The following PAWR variants were observed in gnomAD, a reference collection of about 807,000 sequenced individuals.
PAWR encodes the protein pro-apoptotic WT1 regulator.
PAWR carries 23 observed loss-of-function variants against 32.0 expected under a neutral mutation model. That is an observed-to-expected ratio of 0.72 (90% CI 0.52 to 1.02). PAWR has a LOEUF of 1.02. PAWR is among the 50% of genes least tolerant of loss of function. The pLI is 0.00. For synonymous variants in PAWR, 226 were observed against 187.1 expected (o/e 1.21, Z -1.70); for missense variants, 457 against 437.7 (o/e 1.04, Z -0.39).
At chr12:79,628,075 A>C (rs538485862) in intron 2 of PAWR, among the ~76,000 whole-genome samples, 39 of 152,192 alleles carry the variant, frequency 2.6e-4, no homozygotes, top group Non-Finnish European at 4.6e-4. Flanking sequence ...CTCCTCAGCA[A>C]ATGTAAAAGA....
At chr12:79,623,599 TA>T (rs1231853812) in intron 2 of PAWR, among the ~76,000 whole-genome samples, 1 of 150,922 alleles carries the variant, frequency 6.6e-6, no homozygotes, top group Non-Finnish European at 1.5e-5. Flanking sequence ...ATTAAAAAAC[TA>T]AAAAACAGTA....
chr12:79,666,270 CA>C (rs1269271133), intron 2 of PAWR, among the ~76,000 whole-genome samples: 5 of 152,076 alleles, frequency 3.3e-5, no homozygotes, highest in African/African-American at 9.7e-5. Flanking sequence ...GGAAAAGAAT[CA>C]AGCATCTAGG....
chr12:79,641,845 CAAAAAAAAAAAAA>C (rs35377529), intron 2 of PAWR, among the ~76,000 whole-genome samples: 22 of 57,688 alleles, frequency 3.8e-4, no homozygotes, highest in South Asian at 1.4e-3. Context: ...GACTCCGTCT[CAAAAAAAAAAAAA>C]AAAAAAAAAA....
chr12:79,606,629 G>A lies in PAWR; in HGVS notation c.683+6946C>T, dbSNP rs538573792. On this transcript the variant is annotated intron_variant, in intron 4 of 6. Transcript: ENST00000328827. Reference sequence around the variant, plus strand: ...GGGAAAAAATAAAATAAAACCCTATGTTCGAAAAAAATCTAGTTACTGGTA... The same window carrying A: ...GGGAAAAAATAAAATAAAACCCTATATTCGAAAAAAATCTAGTTACTGGTA... Among the ~76,000 whole-genome samples the A allele has an allele frequency of 2.0e-5, 3 of 152,148 alleles. No homozygotes were observed. In the East Asian group the frequency reaches 5.8e-4, roughly 29 times the overall value.
At chr12:79,596,043 A>G (rs1429921724) in intron 5 of PAWR, among the ~76,000 whole-genome samples, 2 of 152,200 alleles carry the variant, frequency 1.3e-5, no homozygotes, top group Non-Finnish European at 2.9e-5. Flanking sequence ...AATAATCTCA[A>G]GTAAAACAAA....
At position 79,653,726 on chromosome 12, in the gene PAWR, G is replaced by A. The variant is rs369949231; in HGVS notation, c.517-32519C>T. On this transcript the variant is annotated intron_variant, in intron 2 of 6. Transcript: ENST00000328827. Reference sequence around the variant, plus strand: ...ACTCCCAACCTCAGGTGATCCGCCCGCCTCGGCCTCCCAAAGTACTGGGAT... The same window carrying A: ...ACTCCCAACCTCAGGTGATCCGCCCACCTCGGCCTCCCAAAGTACTGGGAT... 7.2e-5 allele frequency among the ~76,000 whole-genome samples: 11 copies of A among 152,214 alleles called. 1 individual carries two copies. Among genetic ancestry groups the A allele is most frequent in the Admixed American group, 3.9e-4 (6 of 15,290 alleles).
chr12:79,654,599 A>G (rs1877007290), intron 2 of PAWR, among the ~76,000 whole-genome samples: 1 of 152,184 alleles, frequency 6.6e-6, no homozygotes, highest in South Asian at 2.1e-4. Context: ...AGAACTGCCC[A>G]GTTTATAATA....
chr12:79,599,603 AAAAT>A (rs1873885220), intron 4 of PAWR, among the ~76,000 whole-genome samples: 1 of 152,376 alleles, frequency 6.6e-6, no homozygotes, highest in South Asian at 2.1e-4. Context: ...ATGAAGCTGA[AAAAT>A]AAATTGTTAC....
At chr12:79,617,011 T>C (rs565035743) in intron 3 of PAWR, among the ~76,000 whole-genome samples, 4 of 152,220 alleles carry the variant, frequency 2.6e-5, no homozygotes, top group Non-Finnish European at 5.9e-5. Context: ...GATTTGAATA[T>C]GGTCTTTTAT....
At chr12:79,622,221 T>C (rs1194414842) in intron 2 of PAWR, among the ~76,000 whole-genome samples, 1 of 151,944 alleles carries the variant, frequency 6.6e-6, no homozygotes, top group Non-Finnish European at 1.5e-5. Flanking sequence ...AGGAACATAC[T>C]GAAAGGGGTA....
Position 79,689,907 on chromosome 12 carries a change from G to A in PAWR, c.338C>T (p.Pro113Leu), listed in dbSNP as rs1277697552. The change falls in exon 2 of 7, where the codon CCA becomes CTA. Residue 113 changes from proline (P) to leucine (L), a missense_variant. Physicochemically the swap from Pro to Leu is moderately conservative, Grantham distance 98. Transcript: ENST00000328827. ...PGPRRSEDEP[P>L]AASASAAPPP... ...CGGTGCAGCCGAGGCAGAGGCGGCT[G>A]GGGGCTCGTCCTCCGACCGCCGCGG... The A allele has an allele frequency of 2.7e-6, 4 of 1,478,862 alleles. No homozygotes were observed. Among genetic ancestry groups the A allele is most frequent in the Non-Finnish European group, 2.7e-6 (3 of 1,116,432 alleles). The allele number at this position is 1,478,862 out of a possible 1,614,324, so 91.6% of individuals were successfully genotyped here. A position where few individuals can be genotyped will look rare whatever the true frequency, so the allele number is the denominator to read the frequency against.
At chr12:79,624,973 A>G (rs559360609) in intron 2 of PAWR, among the ~76,000 whole-genome samples, 1 of 152,278 alleles carries the variant, frequency 6.6e-6, no homozygotes, top group Middle Eastern at 3.4e-3. Flanking sequence ...GTAAATGAAT[A>G]TGTCAATTTG....
chr12:79,673,268 AC>A (rs931429184), intron 2 of PAWR, among the ~76,000 whole-genome samples: 4 of 152,020 alleles, frequency 2.6e-5, no homozygotes, highest in African/African-American at 9.7e-5. Flanking sequence ...ACGGGGTTTC[AC>A]CGTGTTAGCC....
chr12:79,689,462 C>T (rs1878855827), intron 2 of PAWR, among the ~76,000 whole-genome samples: 1 of 152,182 alleles, frequency 6.6e-6, no homozygotes, highest in Admixed American at 6.5e-5. Flanking sequence ...CATAAGTTGT[C>T]TTTCTACCAC....
At position 79,591,178 on chromosome 12, in the gene PAWR, T is replaced by C. The variant is rs1873543149; in HGVS notation, c.*1429A>G. The C allele has an allele frequency of 6.6e-6, 1 of 152,190 alleles. No individual in the cohort carries two copies. Among genetic ancestry groups the C allele is most frequent in the South Asian group, 2.1e-4 (1 of 4,830 alleles). 9.4% of individuals were successfully genotyped at this position (152,190 alleles called of 1,614,324 possible). ...CTGATGATTGGCCAAGCTGGAAACT[T>C]CTGAACTGGGGGAGAAAGCCAACCT... On this transcript the variant is annotated 3_prime_UTR_variant, in exon 7 of 7. Transcript: ENST00000328827.
intron 4 of PAWR, among the ~76,000 whole-genome samples, chr12:79,603,209 G>A (rs1353375573): frequency 2.0e-5 from 3 of 151,998 alleles, no homozygotes; most frequent in Admixed American, 6.6e-5. Flanking sequence ...GAGCGATTAC[G>A]CCACTGCACT....
At chr12:79,663,331 G>A (rs929550054) in intron 2 of PAWR, among the ~76,000 whole-genome samples, 1 of 151,974 alleles carries the variant, frequency 6.6e-6, no homozygotes, top group Non-Finnish European at 1.5e-5. Context: ...CTTCTCTGTC[G>A]TTTAGGAATA....
At chr12:79,643,163 T>C (rs1452083704) in intron 2 of PAWR, among the ~76,000 whole-genome samples, 1 of 152,090 alleles carries the variant, frequency 6.6e-6, no homozygotes, top group Non-Finnish European at 1.5e-5. Context: ...ACCTTCAATG[T>C]GTGTGGCATA....
chr12:79,615,463 T>G (rs117441057), intron 3 of PAWR, among the ~76,000 whole-genome samples: 2 of 152,306 alleles, frequency 1.3e-5, no homozygotes, highest in Non-Finnish European at 2.9e-5. Flanking sequence ...CTTGACCCCA[T>G]AAACACGCTT....
Sources: allele counts gnomAD v4.1 joint callset (sites outside exome capture counted in the v4.1 genomes callset), GRCh38; gene constraint gnomAD v4.1.1; transcripts MANE v1.5; gene names NCBI Gene and HGNC (gene_info 2026-07-23, HGNC 2026-07-21).